SPOCK3: variants seen among roughly 807,000 people sequenced by gnomAD.
The protein encoded by SPOCK3 is testican-3.
Under a neutral mutation model 56.6 loss-of-function variants are expected in SPOCK3, and 30 were observed. The observed-to-expected ratio is 0.53, with a 90% CI of 0.40 to 0.72. The LOEUF is 0.72. Among genes scored for constraint, SPOCK3 ranks in the 30% least tolerant of loss-of-function variants. The pLI is 0.00. For synonymous variants in SPOCK3, 196 were observed against 183.3 expected, an observed-to-expected ratio of 1.07 and a Z score of -0.56; for missense variants, 527 against 530.0, an observed-to-expected ratio of 0.99 and a Z score of 0.06.
rs907486159 is a variant in SPOCK3, at chr4:167,082,080, C to A, written c.190-19543G>T. Among the ~76,000 whole-genome samples, 4 of 152,098 alleles carry A rather than the reference C, an allele frequency of 2.6e-5. No homozygotes were observed. In the East Asian group the frequency reaches 7.7e-4, roughly 29 times the overall value. ...AACCCAAATCTCACAAATACATCAT[C>A]TGAGTGATAATTTTCTTTAAATACT... On this transcript the variant is annotated intron_variant, in intron 2 of 10. Coordinates refer to ENST00000357545, the MANE Select transcript of SPOCK3 (RefSeq NM_001040159.2).
intron 4 of SPOCK3, among the ~76,000 whole-genome samples, chr4:166,955,841 G>A (rs1743396415): frequency 1.3e-5 from 2 of 151,756 alleles, no homozygotes; most frequent in African/African-American, 4.8e-5. Context: ...ATCATGAGCT[G>A]AGGAGCAGGA....
intron 2 of SPOCK3, among the ~76,000 whole-genome samples, chr4:167,072,279 C>G (rs1018789020): frequency 2.0e-5 from 3 of 152,058 alleles, no homozygotes; most frequent in Non-Finnish European, 4.4e-5. Flanking sequence ...CCATGATGGC[C>G]TATGGGCCAG....
rs564361524 is a variant in SPOCK3, at chr4:166,805,969, C to T, written c.590-13680G>A. Among the ~76,000 whole-genome samples, 13 of 151,972 alleles carry T rather than the reference C, an allele frequency of 8.6e-5. No homozygotes were observed. In the South Asian group the frequency reaches 1.5e-3, roughly 17 times the overall value. ...TGCATTCAAGTGTAGTTGCTGTTTG[C>T]GGGAAAGCACAAGAAAACATTAATG... On this transcript the variant is annotated intron_variant, in intron 6 of 10. Coordinates refer to ENST00000357545, the MANE Select transcript of SPOCK3 (RefSeq NM_001040159.2).
chr4:166,805,590 A>G (rs1743078124), intron 6 of SPOCK3, among the ~76,000 whole-genome samples: 1 of 152,126 alleles, frequency 6.6e-6, no homozygotes, highest in South Asian at 2.1e-4. Context: ...CAAAAAATGC[A>G]TATTTAATCA....
intron 8 of SPOCK3, 91 bp downstream of exon 8, chr4:166,754,417 G>A (rs1177732588): frequency 5.6e-6 from 8 of 1,440,728 alleles, no homozygotes; most frequent in Middle Eastern, 1.8e-4. Context: ...CAAAATGAAT[G>A]AGCATAGTGT....
chr4:166,829,228 A>G (rs1185216361), intron 6 of SPOCK3, among the ~76,000 whole-genome samples: 1 of 152,078 alleles, frequency 6.6e-6, no homozygotes, highest in African/African-American at 2.4e-5. Context: ...GACACATCCA[A>G]AATGGTAGTA....
At chr4:166,799,991 C>A (rs991044575) in intron 6 of SPOCK3, among the ~76,000 whole-genome samples, 1 of 151,678 alleles carries the variant, frequency 6.6e-6, no homozygotes, top group African/African-American at 2.4e-5. Context: ...ACCATCCTGG[C>A]TAACACGGTG....
chr4:167,009,014 C>G (rs985295425), intron 3 of SPOCK3, among the ~76,000 whole-genome samples: 1 of 151,956 alleles, frequency 6.6e-6, no homozygotes, highest in African/African-American at 2.4e-5. Flanking sequence ...ATAATACACC[C>G]CTAAAAAATT....
At chr4:167,213,137 G>C (rs1735039310) in intron 2 of SPOCK3, among the ~76,000 whole-genome samples, 1 of 152,216 alleles carries the variant, frequency 6.6e-6, no homozygotes, top group South Asian at 2.1e-4. Context: ...CCTGGTGTCA[G>C]CCTATGCTAA....
intron 2 of SPOCK3, among the ~76,000 whole-genome samples, chr4:167,194,626 T>C (rs1278126098): frequency 6.6e-6 from 1 of 152,338 alleles, no homozygotes; most frequent in East Asian, 1.9e-4. Flanking sequence ...CTGATATGAC[T>C]GCCATTAGGA....
intron 6 of SPOCK3, among the ~76,000 whole-genome samples, chr4:166,852,471 A>G (rs143171940): frequency 1.3e-5 from 2 of 152,194 alleles, no homozygotes; most frequent in African/African-American, 2.4e-5. Context: ...CTAAGAGTTA[A>G]ACAGAAACGA....
At chr4:166,943,260 T>C (rs1466901269) in intron 4 of SPOCK3, among the ~76,000 whole-genome samples, 1 of 152,214 alleles carries the variant, frequency 6.6e-6, no homozygotes, top group Non-Finnish European at 1.5e-5. Flanking sequence ...ATCTGTTTAA[T>C]GTCCACCTAT....
intron 4 of SPOCK3, among the ~76,000 whole-genome samples, chr4:166,957,170 C>T (rs1404436758): frequency 3.3e-5 from 5 of 152,182 alleles, no homozygotes; most frequent in African/African-American, 1.2e-4. Context: ...GGGAGGATCA[C>T]TTGAGCCTAG....
chr4:166,826,361 G>A (rs996302216), intron 6 of SPOCK3, among the ~76,000 whole-genome samples: 26 of 152,012 alleles, frequency 1.7e-4, no homozygotes, highest in East Asian at 9.7e-4. Context: ...ACTTCTTAGC[G>A]GCATATAAAA....
intron 4 of SPOCK3, among the ~76,000 whole-genome samples, chr4:166,986,985 A>C (rs982507123): frequency 6.6e-6 from 1 of 152,152 alleles, no homozygotes; most frequent in Non-Finnish European, 1.5e-5. Context: ...AGCTGGACCT[A>C]GAATTTAACT....
intron 2 of SPOCK3, among the ~76,000 whole-genome samples, chr4:167,216,196 A>G (rs1163308896): frequency 6.6e-6 from 1 of 152,036 alleles, no homozygotes; most frequent in Non-Finnish European, 1.5e-5. Context: ...ACGTGACTAT[A>G]CATATATATG....
chr4:167,217,413 A>G (rs1735473330), intron 2 of SPOCK3, among the ~76,000 whole-genome samples: 1 of 151,996 alleles, frequency 6.6e-6, no homozygotes, highest in Admixed American at 6.6e-5. Context: ...GCAACTATTT[A>G]CATAGCATTT....
At chr4:166,967,941 CA>C (rs1158202234) in intron 4 of SPOCK3, among the ~76,000 whole-genome samples, 2 of 152,110 alleles carry the variant, frequency 1.3e-5, no homozygotes, top group Non-Finnish European at 1.5e-5. Flanking sequence ...GAGGTGGTCT[CA>C]GATGGAGATG....
intron 2 of SPOCK3, among the ~76,000 whole-genome samples, chr4:167,116,586 G>GTA (rs1275276860): frequency 7.9e-6 from 1 of 126,632 alleles, no homozygotes; most frequent in Non-Finnish European, 1.6e-5. Context: ...ATATAGTTTT[G>GTA]TATATATATA....
Sources: allele counts gnomAD v4.1 joint callset (sites outside exome capture counted in the v4.1 genomes callset), GRCh38; gene constraint gnomAD v4.1.1; transcripts MANE v1.5; gene names NCBI Gene and HGNC (gene_info 2026-07-23, HGNC 2026-07-21).